The following FANK1 variants were observed in gnomAD, a reference collection of about 807,000 sequenced individuals.
FANK1 encodes the protein fibronectin type 3 and ankyrin repeat domains protein 1.
In FANK1, 44 loss-of-function variants were observed where a neutral mutation model predicts 45.3. That is an observed-to-expected ratio of 0.97 (90% CI 0.76 to 1.25). The LOEUF is 1.25. Ranked by LOEUF, FANK1 falls within the 50% of genes most tolerant of loss-of-function variation. The pLI, the probability that FANK1 is intolerant of heterozygous loss-of-function variation, is 0.00. For missense variants in FANK1, 391 were observed against 424.4 expected, an observed-to-expected ratio of 0.92 and a Z score of 0.69; for synonymous variants, 149 against 152.5, an observed-to-expected ratio of 0.98 and a Z score of 0.17.
At chr10:125,976,648 A>G (rs1950872722) in intron 1 of FANK1, among the ~76,000 whole-genome samples, 1 of 151,394 alleles carries the variant, frequency 6.6e-6, no homozygotes, top group African/African-American at 2.4e-5. Flanking sequence ...CCTGAGACGG[A>G]ATCTCGCTCT....
rs1415486143 is a variant in FANK1 at position 125,988,593 on chromosome 10, G to A, written c.234G>A (p.Arg78=). The A allele has an allele frequency of 6.2e-7, 1 of 1,614,186 alleles. No individual in the cohort carries two copies. The highest frequency in any genetic ancestry group is 1.7e-5 in the Admixed American group (1 of 60,028). ...ATGTTGTTGAAGGTCTGGAACCAAG[G>A]ACGCTGTACAGATTTCGCCTGAAGG... ...TKHVVEGLEP[R]TLYRFRLKVT... Residue 78 remains arginine, a synonymous_variant, in exon 3 of 11, where the codon AGG becomes AGA. Transcript: ENST00000368693.
At chr10:125,920,636 T>G (rs1946878102) in intron 1 of FANK1, among the ~76,000 whole-genome samples, 1 of 152,216 alleles carries the variant, frequency 6.6e-6, no homozygotes, top group African/African-American at 2.4e-5. Context: ...TATCAGAGTT[T>G]GGGCTCAGCC....
At chr10:125,919,155 A>G (rs1946734850) in intron 1 of FANK1, among the ~76,000 whole-genome samples, 1 of 150,606 alleles carries the variant, frequency 6.6e-6, no homozygotes, top group Non-Finnish European at 1.5e-5. Context: ...TTAATGTCAA[A>G]TAGAAACCAA....
chr10:125,981,552 A>T (rs1395652463), intron 2 of FANK1, among the ~76,000 whole-genome samples: 1 of 151,888 alleles, frequency 6.6e-6, no homozygotes, highest in Non-Finnish European at 1.5e-5. Context: ...ATCATCTCTG[A>T]CTTATTTCTT....
chr10:125,995,961 G>A (rs1181189503), intron 4 of FANK1, among the ~76,000 whole-genome samples: 1 of 152,346 alleles, frequency 6.6e-6, no homozygotes, highest in African/African-American at 2.4e-5. Context: ...TACATGAAAA[G>A]TAGATGTTAT....
intron 1 of FANK1, among the ~76,000 whole-genome samples, chr10:125,968,120 G>T (rs967386014): frequency 6.8e-6 from 1 of 147,990 alleles, no homozygotes; most frequent in African/African-American, 2.5e-5. Flanking sequence ...TTGCTCTTTC[G>T]CTCAGGCTGG....
At chr10:125,987,859 G>T (rs1253525998) in intron 2 of FANK1, among the ~76,000 whole-genome samples, 1 of 149,696 alleles carries the variant, frequency 6.7e-6, no homozygotes, top group Non-Finnish European at 1.5e-5. Context: ...ATTTCTTGGT[G>T]CTGATTTTGC....
At chr10:125,927,700 A>G (rs1337089342) in intron 1 of FANK1, among the ~76,000 whole-genome samples, 1 of 151,958 alleles carries the variant, frequency 6.6e-6, no homozygotes, top group Non-Finnish European at 1.5e-5. Context: ...ACAGGTGCCC[A>G]CCACCACGCT....
In FANK1 at chr10:125,934,925, C is replaced by A. The variant is rs1250986395; in HGVS notation, c.13+38270C>A. On this transcript the variant is annotated intron_variant, in intron 1 of 10. Transcript: ENST00000368693. Reference sequence around the variant, plus strand: ...TGGTGCCTGCCCTGCAGGATGGTGCCATGGGCCTGGCTGAGCTGTGGCTCC... The same window carrying A: ...TGGTGCCTGCCCTGCAGGATGGTGCAATGGGCCTGGCTGAGCTGTGGCTCC... Among the ~76,000 whole-genome samples the A allele has an allele frequency of 2.0e-5, 3 of 151,880 alleles. No homozygotes were observed. The East Asian group carries it at 5.8e-4, about 30-fold the overall frequency.
intron 1 of FANK1, among the ~76,000 whole-genome samples, chr10:125,912,646 T>G (rs1446667098): frequency 6.6e-6 from 1 of 152,220 alleles, no homozygotes; most frequent in Non-Finnish European, 1.5e-5. Context: ...TTTTATTTTA[T>G]TTTTTGAGAC....
At position 125,974,732 on chromosome 10, in the gene FANK1, G is replaced by A. The variant is rs78749326; in HGVS notation, c.14-5429G>A. Among the ~76,000 whole-genome samples the A allele has an allele frequency of 3.4e-3, 511 of 152,264 alleles. 2 individuals carry two copies. The highest frequency in any genetic ancestry group is 5.5e-3 in the Non-Finnish European group (374 of 68,016). ...AGGGTGTATAATGTTCCACTTTATG[G>A]ACATAGAATAACTTATTTGTCCAGT... On this transcript the variant is annotated intron_variant, in intron 1 of 10. Coordinates refer to ENST00000368693, the MANE Select transcript of FANK1 (RefSeq NM_145235.5).
chr10:125,920,405 G>A (rs4089561), intron 1 of FANK1, among the ~76,000 whole-genome samples: 6 of 151,832 alleles, frequency 4.0e-5, no homozygotes, highest in African/African-American at 1.5e-4. Flanking sequence ...TGGCTCATCA[G>A]AATTCACTAG....
At chr10:125,912,748 A>T (rs1426802147) in intron 1 of FANK1, among the ~76,000 whole-genome samples, 1 of 152,048 alleles carries the variant, frequency 6.6e-6, no homozygotes, top group South Asian at 2.1e-4. Flanking sequence ...AGCAATTCTC[A>T]TGCCTCAGCC....
At chr10:125,984,878 A>G (rs982733369) in intron 2 of FANK1, among the ~76,000 whole-genome samples, 1 of 152,156 alleles carries the variant, frequency 6.6e-6, no homozygotes, top group Non-Finnish European at 1.5e-5. Flanking sequence ...TTATTTTTTC[A>G]GCTGTCATGT....
chr10:125,976,283 T>C (rs1273306552), intron 1 of FANK1, among the ~76,000 whole-genome samples: 2 of 152,218 alleles, frequency 1.3e-5, no homozygotes, highest in Non-Finnish European at 2.9e-5. Flanking sequence ...CTGACAATTA[T>C]GTGTCTTGAA....
chr10:126,005,115 C>A, intron 7 of FANK1, 66 bp downstream of exon 7: 1 of 1,530,576 alleles, frequency 6.5e-7, no homozygotes, highest in South Asian at 1.3e-5. Flanking sequence ...TCCATGGGGT[C>A]TGGCAGAAGC....
At chr10:125,946,039 C>T (rs900501541) in intron 1 of FANK1, among the ~76,000 whole-genome samples, 1 of 152,114 alleles carries the variant, frequency 6.6e-6, no homozygotes, top group African/African-American at 2.4e-5. Flanking sequence ...AGACCTGCAG[C>T]TGAGGGTCCT....
intron 1 of FANK1, among the ~76,000 whole-genome samples, chr10:125,897,190 T>C (rs1311269129): frequency 6.7e-6 from 1 of 149,118 alleles, no homozygotes; most frequent in East Asian, 2.0e-4. Context: ...TCCAAGTGTA[T>C]TTGATTCATT....
At chr10:126,008,974 A>G (rs1953448410) in intron 8 of FANK1, 80 bp from the exon 9 acceptor site, 2 of 1,365,946 alleles carry the variant, frequency 1.5e-6, no homozygotes, top group East Asian at 2.3e-5. Context: ...GGGACCCTGC[A>G]TGTGCCAGGC....
Sources: gnomAD v4.1 joint callset for allele counts (sites outside exome capture counted in the v4.1 genomes callset) on GRCh38, gnomAD v4.1.1 for gene constraint, MANE v1.5 for transcripts, NCBI Gene and HGNC (gene_info 2026-07-23, HGNC 2026-07-21) for gene names.